CCDC32: variants seen among roughly 807,000 people sequenced by gnomAD.
CCDC32 encodes the protein coiled-coil domain containing 32, also known as coiled-coil domain-containing protein 32.
Under a neutral mutation model 20.1 loss-of-function variants are expected in CCDC32, and 9 were observed. The ratio of observed to expected loss-of-function variants is 0.45; its 90% confidence interval spans 0.27 to 0.78. CCDC32 has a LOEUF of 0.78. Ranked by LOEUF, CCDC32 falls within the 30% of genes least tolerant of loss-of-function variation. CCDC32 has a pLI of 0.16. For synonymous variants in CCDC32, 63 were observed against 79.0 expected (o/e 0.80, Z 1.07); for missense variants, 204 against 215.5 (o/e 0.95, Z 0.33).
Position 40,562,756 on chromosome 15 carries a change from G to C in CCDC32, c.244+16C>G, listed in dbSNP as rs765090999. ...AACAGAACTTCAATATGCTTCCCTA[G>C]AGCCGTCAAACTTACCTAGAGATGC... On this transcript the variant is annotated intron_variant, in intron 2 of 3. Transcript: ENST00000416810. 6.2e-7 allele frequency: 1 copy of C among 1,607,578 alleles called. No homozygotes were observed. The highest frequency in any genetic ancestry group is 1.7e-5 in the Admixed American group (1 of 59,334).
In CCDC32 at chr15:40,562,695, C is replaced by T. The variant is rs946244298; in HGVS notation, c.244+77G>A. 5.5e-5 allele frequency: 83 copies of T among 1,496,542 alleles called. No homozygotes were observed. In the African/African-American group the frequency reaches 1.1e-3, roughly 20 times the overall value. The allele number at this position is 1,496,542 out of a possible 1,614,324, so 92.7% of individuals were successfully genotyped here. ...TGACAGATACGTGTGACAGGAATAA[C>T]AACAACACAAAAGAATAGGAAACCA... On this transcript the variant is annotated intron_variant, in intron 2 of 3. Coordinates refer to ENST00000416810, the MANE Select transcript of CCDC32 (RefSeq NM_001080792.4).
downstream of CCDC32, among the ~76,000 whole-genome samples, chr15:40,524,310 C>T (rs1363776096): frequency 3.3e-5 from 5 of 151,886 alleles, no homozygotes; most frequent in Non-Finnish European, 7.4e-5. Flanking sequence ...GCACCCGCCA[C>T]CACGCCCAGC....
chr15:40,560,299 T>C (rs935741864), intron 2 of CCDC32, among the ~76,000 whole-genome samples: 5 of 152,162 alleles, frequency 3.3e-5, no homozygotes, highest in Non-Finnish European at 5.9e-5. Context: ...TGAGCCACCG[T>C]GCCCGGCCTA....
the CCDC32 span, among the ~76,000 whole-genome samples, chr15:40,523,504 CAA>C: frequency 9.0e-3 from 800 of 88,460 alleles, 3 homozygotes; most frequent in Non-Finnish European, 0.012. Flanking sequence ...AACTCCATCT[CAA>C]AAAAAAAAAA....
Position 40,557,297 on chromosome 15 carries a change from G to A in CCDC32, c.320C>T (p.Ala107Val). 6.2e-7 allele frequency: 1 copy of A among 1,614,176 alleles called. No homozygotes were observed. Among genetic ancestry groups the A allele is most frequent in the South Asian group, 1.1e-5 (1 of 91,072 alleles). The part of the protein sequence containing the change: ...SKDMLRTLAQ[A>V]KKECWDRFLQ... Reference sequence around the variant, plus strand: ...GAACCGATCCCAGCATTCCTTCTTGGCTTGGGCCAGAGTTCGAAGCATGTC... The same window carrying A: ...GAACCGATCCCAGCATTCCTTCTTGACTTGGGCCAGAGTTCGAAGCATGTC... Residue 107 changes from alanine to valine, a missense_variant, in exon 3 of 4, where the codon GCC (alanine) becomes GTC (valine). Coordinates refer to ENST00000416810, the MANE Select transcript of CCDC32 (RefSeq NM_001080792.4).
At chr15:40,542,833 G>C (rs1278477230) in intron 3 of CCDC32, among the ~76,000 whole-genome samples, 2 of 150,442 alleles carry the variant, frequency 1.3e-5, no homozygotes, top group Non-Finnish European at 3.0e-5. Context: ...CTGGGGGACA[G>C]AGCGAGACTT....
At chr15:40,564,703 G>A in intron 1 of CCDC32, 1 of 1,610,444 alleles carries the variant, frequency 6.2e-7, no homozygotes. Context: ...CTGATGTCTA[G>A]CGCTACAGTG....
Position 40,562,810 on chromosome 15 carries a change from G to C in CCDC32, c.206C>G (p.Ala69Gly). 7 of 1,614,216 alleles carry C rather than the reference G, an allele frequency of 4.3e-6. No homozygotes were observed. Among genetic ancestry groups the C allele is most frequent in the Non-Finnish European group, 5.9e-6 (7 of 1,180,046 alleles). ...FAVQPAVKPWAPLQDSEVYLA... is the reference protein window; with the variant it reads ...FAVQPAVKPWGPLQDSEVYLA... ...ATACACTTCTGAATCCTGCAAGGGA[G>C]CCCAAGGCTTTACAGCTGGCTGGAC... The change falls in exon 2 of 4, where the codon GCT becomes GGT. Residue 69 changes from alanine (A) to glycine (G), a missense_variant. By Grantham distance (60) the Ala-to-Gly change is moderately conservative. Transcript: ENST00000416810.
At chr15:40,558,250 C>G (rs190020955) in intron 2 of CCDC32, among the ~76,000 whole-genome samples, 1 of 152,260 alleles carries the variant, frequency 6.6e-6, no homozygotes, top group Admixed American at 6.5e-5. Flanking sequence ...ATTTGCAGTT[C>G]TGTTTTCATT....
At chr15:40,539,916 A>G (rs1256289060) in intron 3 of CCDC32, among the ~76,000 whole-genome samples, 1 of 149,452 alleles carries the variant, frequency 6.7e-6, no homozygotes, top group African/African-American at 2.5e-5. Flanking sequence ...GTCACCCCAA[A>G]CTCATCATAA....
At chr15:40,544,864 A>C (rs1889548070) in intron 3 of CCDC32, among the ~76,000 whole-genome samples, 1 of 152,162 alleles carries the variant, frequency 6.6e-6, no homozygotes, top group Non-Finnish European at 1.5e-5. Context: ...TCCCAAATGA[A>C]AGATTTCACA....
intron 2 of CCDC32, among the ~76,000 whole-genome samples, chr15:40,558,553 C>G (rs1418590388): frequency 6.6e-6 from 1 of 151,920 alleles, no homozygotes; most frequent in Non-Finnish European, 1.5e-5. Flanking sequence ...TCTTTTGGGC[C>G]GGAAAAGGTC....
rs1357977226 is a variant in CCDC32 at position 40,553,617 on chromosome 15, G to C, written c.*354C>G. The C allele has an allele frequency of 5.8e-6, 6 of 1,043,316 alleles. No homozygotes were observed. The highest frequency in any genetic ancestry group is 6.9e-6 in the Non-Finnish European group (6 of 868,718). 64.6% of individuals were successfully genotyped at this position (1,043,316 alleles called of 1,614,324 possible). ...TACACATTACACATAAGAGGCCTCA[G>C]TTTCTCCAAGTACTTTCACATTTGA... On this transcript the variant is annotated 3_prime_UTR_variant, in exon 4 of 4. Transcript: ENST00000416810.
At chr15:40,532,714 CTTTTTT>C (rs1189285245), downstream of CCDC32, among the ~76,000 whole-genome samples, 70 of 91,468 alleles carry the variant, frequency 7.7e-4, 1 homozygote, top group South Asian at 4.7e-3. Flanking sequence ...TGTTTTCTTT[CTTTTTT>C]TTTTTTTTTT....
intron 2 of CCDC32, among the ~76,000 whole-genome samples, chr15:40,559,645 C>G (rs557075508): frequency 1.3e-5 from 2 of 152,282 alleles, no homozygotes; most frequent in South Asian, 4.1e-4. Flanking sequence ...CTTTTTCCTC[C>G]AGTACATCAT....
intron 3 of CCDC32, among the ~76,000 whole-genome samples, chr15:40,555,359 G>A (rs1169899727): frequency 6.6e-6 from 1 of 152,198 alleles, no homozygotes; most frequent in Non-Finnish European, 1.5e-5. Flanking sequence ...GTAGGAACAT[G>A]CTGATCTGAT....
rs1890071095 is a variant in CCDC32, at chr15:40,554,040, T to G, written c.489A>C (p.Ser163=). 1.2e-6 allele frequency: 2 copies of G among 1,613,770 alleles called. No individual in the cohort carries two copies. Among genetic ancestry groups the G allele is most frequent in the Non-Finnish European group, 1.7e-6 (2 of 1,179,922 alleles). The stretch of plus-strand genomic sequence containing the variant: ...CCTCGGCCACTGGCTTCTCAACCTG[T>G]GACTCTGGAGGAATCAGATACTGGA... ...EEVQYLIPPE[S]QVEKPVAEDE... is the part of the protein sequence containing the mutation. Residue 163 remains serine, a synonymous_variant, in exon 4 of 4, where the codon TCA becomes TCC. Transcript: ENST00000416810.
chr15:40,549,966 G>A (rs549703396), downstream of CCDC32, among the ~76,000 whole-genome samples: 1 of 152,202 alleles, frequency 6.6e-6, no homozygotes, highest in Non-Finnish European at 1.5e-5. Context: ...TTGGAAGGGT[G>A]CACCTCGGCC....
At chr15:40,531,470 G>A (rs942266374), downstream of CCDC32, 1 of 152,010 alleles carries the variant, frequency 6.6e-6, no homozygotes. Context: ...TTACAGGTGT[G>A]AGCCACCGTG....
Sources: gnomAD v4.1 joint callset for allele counts (sites outside exome capture counted in the v4.1 genomes callset) on GRCh38, gnomAD v4.1.1 for gene constraint, MANE v1.5 for transcripts, NCBI Gene and HGNC (gene_info 2026-07-23, HGNC 2026-07-21) for gene names.